The following FAM171B variants were observed in gnomAD, a reference collection of about 807,000 sequenced individuals.
FAM171B encodes protein FAM171B.
In FAM171B, 19 loss-of-function variants were observed where a neutral mutation model predicts 75.6. The ratio of observed to expected loss-of-function variants is 0.25; its 90% CI spans 0.18 to 0.37. The LOEUF is 0.37. Ranked by LOEUF, FAM171B falls within the 10% of genes least tolerant of loss-of-function variation. FAM171B has a pLI of 1.00. For synonymous variants in FAM171B, 367 were observed against 361.7 expected, an observed-to-expected ratio of 1.01 and a Z score of -0.17; for missense variants, 848 against 982.4, an observed-to-expected ratio of 0.86 and a Z score of 1.83.
chr2:186,707,266 G>A lies in FAM171B; in HGVS notation c.238+12855G>A, dbSNP rs918558253. On this transcript the variant is annotated intron_variant, in intron 1 of 7. Coordinates refer to ENST00000304698, the MANE Select transcript of FAM171B (RefSeq NM_177454.4). ...GTGCTCCAGCAGCCAGTGAGTGAGT[G>A]TAGTTGATGCTGTGCTTGCTACTAG... is the stretch of plus-strand genomic sequence containing the variant. 4.6e-5 allele frequency among the ~76,000 whole-genome samples: 7 copies of A among 151,026 alleles called. No individual in the cohort carries two copies. In the East Asian group the frequency reaches 9.8e-4, roughly 21 times the overall value.
At chr2:186,740,159 A>G (rs914317362) in intron 1 of FAM171B, 69 bp from the exon 2 acceptor site, 1 of 1,063,764 alleles carries the variant, frequency 9.4e-7, no homozygotes. Context: ...ATGTTGAATG[A>G]CATTTAAAGA....
At chr2:186,721,502 G>A (rs921534735) in intron 1 of FAM171B, among the ~76,000 whole-genome samples, 2 of 151,948 alleles carry the variant, frequency 1.3e-5, no homozygotes, top group African/African-American at 2.4e-5. Flanking sequence ...AAGAAAACAC[G>A]TTTTCTAGAA....
rs74268937 is a variant in FAM171B, at chr2:186,748,310, CT to C, written c.724+1074del. Reference sequence around the variant, plus strand: ...AAACAGTCTATAATTCTGATAGTTTCTTTTTTTTTTTTTTCAGATATTTTGT... The same window carrying C: ...AAACAGTCTATAATTCTGATAGTTTCTTTTTTTTTTTTTCAGATATTTTGT... On this transcript the variant is annotated intron_variant, in intron 4 of 7. Coordinates refer to ENST00000304698, the MANE Select transcript of FAM171B (RefSeq NM_177454.4). Among the ~76,000 whole-genome samples, 449 of 140,574 alleles carry C rather than the reference CT, an allele frequency of 3.2e-3. 1 individual carries two copies. The highest frequency in any genetic ancestry group is 5.4e-3 in the East Asian group (26 of 4,834). 92.2% of individuals were successfully genotyped at this position (140,574 alleles called of 152,430 possible). A position where few individuals can be genotyped will look rare whatever the true frequency, so the allele number is the denominator to read the frequency against.
chr2:186,718,200 T>C (rs200545032), intron 1 of FAM171B, among the ~76,000 whole-genome samples: 4 of 47,496 alleles, frequency 8.4e-5, no homozygotes, highest in Non-Finnish European at 1.8e-4. Flanking sequence ...TTTCTGACTG[T>C]CTAAGGCCAT....
chr2:186,709,737 T>C (rs1689784460), intron 1 of FAM171B, among the ~76,000 whole-genome samples: 1 of 152,170 alleles, frequency 6.6e-6, no homozygotes, highest in Non-Finnish European at 1.5e-5. Context: ...ATGAAACGAC[T>C]TCTCTTCTTT....
intron 1 of FAM171B, among the ~76,000 whole-genome samples, chr2:186,731,418 A>T (rs1690111215): frequency 6.6e-6 from 1 of 152,188 alleles, no homozygotes; most frequent in Non-Finnish European, 1.5e-5. Flanking sequence ...AACCATTAGC[A>T]TCTCTGTAAC....
intron 1 of FAM171B, among the ~76,000 whole-genome samples, chr2:186,695,546 T>C (rs2105767993): frequency 6.6e-6 from 1 of 152,356 alleles, no homozygotes; most frequent in East Asian, 1.9e-4. Context: ...TTTGTATTGC[T>C]TGCTCATCGT....
rs1165438149 is a variant in FAM171B at position 186,694,381 on chromosome 2, C to A, written c.208C>A (p.Pro70Thr). 1.2e-6 allele frequency: 2 copies of A among 1,612,394 alleles called. No individual in the cohort carries two copies. The highest frequency in any genetic ancestry group is 8.5e-7 in the Non-Finnish European group (1 of 1,179,452). ...GGCTGAGGAGGAGAGGACAGAGGTG[C>A]CTGGGGCAACCTCCACCTTGACGGT... is the stretch of plus-strand genomic sequence containing the variant. ...EEAEEERTEV[P>T]GATSTLTVPV... The change falls in exon 1 of 8, where the codon CCT becomes ACT. Residue 70 changes from proline to threonine, a missense_variant. Coordinates refer to ENST00000304698, the MANE Select transcript of FAM171B (RefSeq NM_177454.4).
chr2:186,705,988 G>A (rs1689728660), intron 1 of FAM171B, among the ~76,000 whole-genome samples: 1 of 152,124 alleles, frequency 6.6e-6, no homozygotes, highest in Non-Finnish European at 1.5e-5. Context: ...GAATTCATTG[G>A]CAGTCAATCC....
intron 6 of FAM171B, among the ~76,000 whole-genome samples, chr2:186,755,740 G>A (rs1311329861): frequency 1.3e-5 from 2 of 152,104 alleles, no homozygotes; most frequent in East Asian, 1.9e-4. Context: ...GCCTGCTCAG[G>A]CTGGGCTCAA....
At chr2:186,721,028 A>G (rs928067905) in intron 1 of FAM171B, among the ~76,000 whole-genome samples, 1 of 152,212 alleles carries the variant, frequency 6.6e-6, no homozygotes. Context: ...AGCAATTTCA[A>G]TTCTTACTGT....
chr2:186,762,912 T>C lies in FAM171B; in HGVS notation c.*89T>C. The stretch of plus-strand genomic sequence containing the variant: ...CAGTACGAACTTAAGAAAATGAGAC[T>C]GAGCAATCTCATGGTTCTTGGACAT... On this transcript the variant is annotated 3_prime_UTR_variant, in exon 8 of 8. Coordinates refer to ENST00000304698, the MANE Select transcript of FAM171B (RefSeq NM_177454.4). This position sits in a 1 kb window ranked among gnomAD's most constrained non-coding sequence, Gnocchi z 4.0. The C allele has an allele frequency of 6.9e-7, 1 of 1,458,982 alleles. No homozygotes were observed. The highest frequency in any genetic ancestry group is 1.8e-4 in the Middle Eastern group (1 of 5,464). 90.4% of individuals were successfully genotyped at this position (1,458,982 alleles called of 1,614,324 possible). A position where few individuals can be genotyped will look rare whatever the true frequency, so the allele number is the denominator to read the frequency against.
intron 4 of FAM171B, among the ~76,000 whole-genome samples, chr2:186,748,795 G>A (rs2105788980): frequency 6.6e-6 from 1 of 152,228 alleles, no homozygotes. Context: ...GCTGCTTGAG[G>A]AAGCCAAACT....
intron 1 of FAM171B, among the ~76,000 whole-genome samples, chr2:186,709,389 C>T (rs1274759980): frequency 1.3e-5 from 2 of 152,116 alleles, no homozygotes; most frequent in Non-Finnish European, 2.9e-5. Flanking sequence ...TTCCATAGTG[C>T]CCACATTTCT....
At chr2:186,731,400 G>A (rs941455798) in intron 1 of FAM171B, among the ~76,000 whole-genome samples, 1 of 152,174 alleles carries the variant, frequency 6.6e-6, no homozygotes, top group African/African-American at 2.4e-5. Context: ...AGGTAATTCA[G>A]TTCCAGCAAC....
intron 1 of FAM171B, among the ~76,000 whole-genome samples, chr2:186,719,074 C>T (rs915608906): frequency 6.6e-6 from 1 of 152,112 alleles, no homozygotes. Flanking sequence ...GGTCAGTATT[C>T]CTTTCAGATG....
intron 1 of FAM171B, among the ~76,000 whole-genome samples, chr2:186,721,482 GT>G (rs201099444): frequency 0.018 from 2,765 of 152,120 alleles, 40 homozygotes; most frequent in South Asian, 0.032. Flanking sequence ...AATACTAAAT[GT>G]TTTTTTCAAA....
Position 186,725,217 on chromosome 2 carries a change from A to G in FAM171B, c.239-15011A>G, listed in dbSNP as rs571090253. 9.2e-4 allele frequency among the ~76,000 whole-genome samples: 140 copies of G among 151,838 alleles called. 1 individual carries two copies. Among genetic ancestry groups the G allele is most frequent in the East Asian group, 3.7e-3 (19 of 5,124 alleles). ...AAATTAGCCGGGCGTGGTGGCAGGC[A>G]CCTGTAGTCCCAGCTACTTGGGAGG... On this transcript the variant is annotated intron_variant, in intron 1 of 7. Coordinates refer to ENST00000304698, the MANE Select transcript of FAM171B (RefSeq NM_177454.4).
At chr2:186,728,761 T>A (rs1690070746) in intron 1 of FAM171B, among the ~76,000 whole-genome samples, 1 of 152,186 alleles carries the variant, frequency 6.6e-6, no homozygotes, top group Admixed American at 6.5e-5. Flanking sequence ...GTAGGTGAGT[T>A]TTTGTACTGG....
Sources: allele counts gnomAD v4.1 joint callset (sites outside exome capture counted in the v4.1 genomes callset), GRCh38; gene constraint gnomAD v4.1.1; non-coding constraint Gnocchi (gnomAD v3.1); transcripts MANE v1.5; gene names NCBI Gene and HGNC (gene_info 2026-07-23, HGNC 2026-07-21).